Variants in MICAL2 observed in about 807,000 individuals in gnomAD.
The protein encoded by MICAL2 is microtubule associated monooxygenase, calponin and LIM domain containing 2.
Under a neutral mutation model 127.3 loss-of-function variants are expected in MICAL2, and 77 were observed. The observed-to-expected ratio is 0.60, with a 90% CI of 0.50 to 0.73. The LOEUF is 0.73. Among genes scored for constraint, MICAL2 ranks in the 30% least tolerant of loss-of-function variants. The pLI is 0.00. For missense variants in MICAL2, 1,351 were observed against 1,434.4 expected (o/e 0.94, Z 0.94); for synonymous variants, 570 against 551.1 (o/e 1.03, Z -0.48).
intron 32 of MICAL2, among the ~76,000 whole-genome samples, chr11:12,337,323 G>A (rs184228783): frequency 9.9e-4 from 150 of 152,128 alleles, no homozygotes; most frequent in African/African-American, 3.3e-3. Flanking sequence ...TTTTTATTGC[G>A]TCCATTTGAT....
chr11:12,256,988 G>T lies in MICAL2; in HGVS notation c.3142+17G>T. On this transcript the variant is annotated intron_variant, in intron 24 of 27. Coordinates refer to ENST00000683283, the MANE Select transcript of MICAL2 (RefSeq NM_001282663.2). ...GCGATGAAGGTAACCCCAGGGGCCA[G>T]GGCAGCACTGGGCTCTGGCCTTGGC... 1 of 1,600,552 alleles carries T rather than the reference G, an allele frequency of 6.2e-7. No individual in the cohort carries two copies.
At position 12,155,795 on chromosome 11, in the gene MICAL2, T is replaced by C. The variant is rs143675964; in HGVS notation, c.-77-6284T>C. On this transcript the variant is annotated intron_variant, in intron 2 of 27. Coordinates refer to ENST00000683283, the MANE Select transcript of MICAL2 (RefSeq NM_001282663.2). ...ACTGGTGAGAGTGCCTGGGTGGTAC[T>C]GGGCCCTGATGACGTTGGCTTCCTT... Among the ~76,000 whole-genome samples, 92 of 152,340 alleles carry C rather than the reference T, an allele frequency of 6.0e-4. 4 individuals carry two copies. Among genetic ancestry groups the C allele is most frequent in the African/African-American group, 2.2e-3 (92 of 41,576 alleles).
chr11:12,204,518 T>A (rs1397722609), intron 4 of MICAL2, 61 bp downstream of exon 4: 3 of 1,523,198 alleles, frequency 2.0e-6, no homozygotes, highest in African/African-American at 2.7e-5. Context: ...GTGGGACATA[T>A]CTCTCCAGGT....
Position 12,222,639 on chromosome 11 carries a change from C to T in MICAL2, c.1345C>T (p.Pro449Ser). ...CAGGGAAAGTCTCTACCGGCTGTTA[C>T]CTCAGACAACCCCGGAGAACATCAA... is the stretch of plus-strand genomic sequence containing the variant. The part of the protein sequence containing the change: ...AERESLYRLL[P>S]QTTPENINKN... The change falls in exon 11 of 28, where the codon CCT (proline) becomes TCT (serine). Residue 449 changes from proline (P) to serine (S), a missense_variant. By Grantham distance (74) the Pro-to-Ser change is moderately conservative. This residue lies in a region of MICAL2 where 599 missense variants were observed against 714.9 expected (regional missense o/e 0.84). Coordinates refer to ENST00000683283, the MANE Select transcript of MICAL2 (RefSeq NM_001282663.2). 1 of 1,614,244 alleles carries T rather than the reference C, an allele frequency of 6.2e-7. No individual in the cohort carries two copies. The highest frequency in any genetic ancestry group is 8.5e-7 in the Non-Finnish European group (1 of 1,180,042).
intron 3 of MICAL2, among the ~76,000 whole-genome samples, chr11:12,165,663 C>T (rs928619485): frequency 1.3e-5 from 2 of 152,228 alleles, no homozygotes; most frequent in Non-Finnish European, 2.9e-5. Context: ...ATTTATCAGC[C>T]GCTGCCATAT....
chr11:12,254,665 G>C (rs1862062608), intron 22 of MICAL2: 1 of 152,330 alleles, frequency 6.6e-6, no homozygotes, highest in African/African-American at 2.4e-5. Flanking sequence ...CAGGAGACCA[G>C]AGTACAGTCT....
At chr11:12,279,379 C>G (rs1863749845) in intron 1 of MICAL2, among the ~76,000 whole-genome samples, 1 of 152,044 alleles carries the variant, frequency 6.6e-6, no homozygotes, top group Admixed American at 6.5e-5. Flanking sequence ...ACTGGCTCGT[C>G]AAGTCTTGGT....
rs774018590 is a variant in MICAL2, at chr11:12,319,803, C to T, written c.5320C>T (p.Gln1774Ter). 3.3e-5 allele frequency: 53 copies of T among 1,613,326 alleles called. No individual in the cohort carries two copies. Among genetic ancestry groups the T allele is most frequent in the Admixed American group, 8.3e-5 (5 of 60,000 alleles). ...AGAATTTGATCCCCAGCTTTCCTTG[C>T]AGTTAAAGGTAACAACACTTGACCA... The change falls in exon 30 of 35, where the codon CAG becomes TAG. Residue 1774 changes from glutamine to a stop codon, truncating the protein, a stop_gained. Coordinates refer to the MICAL2 transcript ENST00000646065. LOFTEE classifies it high-confidence loss of function.
At chr11:12,267,617 G>A (rs1000233346), downstream of MICAL2, among the ~76,000 whole-genome samples, 3 of 151,968 alleles carry the variant, frequency 2.0e-5, no homozygotes, top group East Asian at 1.9e-4. Context: ...TTATTTATTT[G>A]TTTGTTTGTT....
chr11:12,159,883 G>A (rs1854582163), intron 2 of MICAL2, among the ~76,000 whole-genome samples: 1 of 152,192 alleles, frequency 6.6e-6, no homozygotes, highest in Non-Finnish European at 1.5e-5. Flanking sequence ...GACGCTCACA[G>A]AGCCCAGAGA....
chr11:12,128,814 G>C lies in MICAL2; in HGVS notation c.-148-9576G>C, dbSNP rs1211277350. Among the ~76,000 whole-genome samples, 3 of 152,230 alleles carry C rather than the reference G, an allele frequency of 2.0e-5. No homozygotes were observed. In the East Asian group the frequency reaches 5.8e-4, roughly 29 times the overall value. ...TTACCAGCCATGTAAGTCCAAGATA[G>C]AAGTCAATTTCTTTGTGCCTCAGTT... On this transcript the variant is annotated intron_variant, in intron 1 of 27. Transcript: ENST00000683283.
At chr11:12,350,121 T>C (rs1381767492) in intron 33 of MICAL2, among the ~76,000 whole-genome samples, 1 of 152,232 alleles carries the variant, frequency 6.6e-6, no homozygotes, top group African/African-American at 2.4e-5. Flanking sequence ...TCTTTAGCTG[T>C]CTGTTCTTTC....
chr11:12,213,927 A>G (rs1429012876), intron 7 of MICAL2, among the ~76,000 whole-genome samples: 1 of 152,186 alleles, frequency 6.6e-6, no homozygotes, highest in Non-Finnish European at 1.5e-5. Flanking sequence ...CATAACCTGT[A>G]CTGGCACCAG....
intron 32 of MICAL2, among the ~76,000 whole-genome samples, chr11:12,345,116 C>CAAAAAAAA (rs796748173): frequency 4.5e-5 from 5 of 110,566 alleles, no homozygotes; most frequent in African/African-American, 1.7e-4. Flanking sequence ...GAATCCATCT[C>CAAAAAAAA]AAAAAAAAAA....
intron 30 of MICAL2, among the ~76,000 whole-genome samples, chr11:12,320,360 CT>C (rs1248671751): frequency 6.6e-6 from 1 of 152,150 alleles, no homozygotes; most frequent in Admixed American, 6.5e-5. Context: ...TTTTGGAGAA[CT>C]CTTTAAACAA....
intron 3 of MICAL2, among the ~76,000 whole-genome samples, chr11:12,192,134 G>A (rs953688999): frequency 1.3e-5 from 2 of 150,322 alleles, no homozygotes; most frequent in African/African-American, 4.9e-5. Context: ...CCTGCATTTG[G>A]TGAAAAGACT....
downstream of MICAL2, among the ~76,000 whole-genome samples, chr11:12,360,837 G>T (rs576184633): frequency 6.6e-6 from 1 of 152,220 alleles, no homozygotes; most frequent in East Asian, 1.9e-4. Flanking sequence ...ATCCTTAACA[G>T]TTTTCTATAT....
At chr11:12,240,079 T>A (rs12421828) in intron 17 of MICAL2, among the ~76,000 whole-genome samples, 26,609 of 152,210 alleles carry the variant, frequency 0.17, 2,434 homozygotes, top group South Asian at 0.27. Context: ...AGATCCATCC[T>A]AACCAGAGGA....
intron 2 of MICAL2, among the ~76,000 whole-genome samples, chr11:12,144,057 A>G (rs898558972): frequency 5.3e-5 from 8 of 152,190 alleles, no homozygotes; most frequent in Non-Finnish European, 1.0e-4. Flanking sequence ...TGAGTTTCAA[A>G]CATTGAACTT....
Sources: allele counts gnomAD v4.1 joint callset (sites outside exome capture counted in the v4.1 genomes callset), GRCh38; gene constraint gnomAD v4.1.1; regional missense constraint gnomAD v4.1.1; transcripts MANE v1.5; gene names NCBI Gene and HGNC (gene_info 2026-07-23, HGNC 2026-07-21).